The following PPFIBP1 variants were observed in gnomAD, a reference collection of about 807,000 sequenced individuals.
The protein encoded by PPFIBP1 is PPFIB scaffold protein 1.
A neutral mutation model predicts 137.8 loss-of-function variants in PPFIBP1; 112 were observed. The observed-to-expected ratio is 0.81, with a 90% confidence interval of 0.70 to 0.95. PPFIBP1 has a LOEUF of 0.95. PPFIBP1 is among the 40% of genes least tolerant of loss of function. PPFIBP1 has a pLI of 0.00. For synonymous variants in PPFIBP1, 378 were observed against 417.3 expected, an observed-to-expected ratio of 0.91 and a Z score of 1.15; for missense variants, 1,083 against 1,196.6, an observed-to-expected ratio of 0.91 and a Z score of 1.40.
At chr12:27,674,936 T>C (rs545731151) in intron 17 of PPFIBP1, among the ~76,000 whole-genome samples, 1 of 151,598 alleles carries the variant, frequency 6.6e-6, no homozygotes, top group Non-Finnish European at 1.5e-5. Context: ...CTTCAGCCTT[T>C]CAAGTAGCTG....
rs2058492028 is a variant in PPFIBP1, at chr12:27,646,395, T to G, written c.357+247T>G. On this transcript the variant is annotated intron_variant, in intron 5 of 29. Coordinates refer to ENST00000228425, the MANE Select transcript of PPFIBP1 (RefSeq NM_003622.4). ...ACCAGTCTGAATACGGGCACAATGT[T>G]GTCTGATCTGTTCTTTTTTTTTTTT... 4 of 494,758 alleles carry G rather than the reference T, an allele frequency of 8.1e-6. No homozygotes were observed. In the Middle Eastern group the frequency reaches 1.5e-3, roughly 190 times the overall value. 30.6% of individuals were successfully genotyped at this position (494,758 alleles called of 1,614,324 possible).
chr12:27,590,309 G>A (rs2137252163), intron 2 of PPFIBP1, among the ~76,000 whole-genome samples: 1 of 152,160 alleles, frequency 6.6e-6, no homozygotes, highest in Middle Eastern at 3.4e-3. Flanking sequence ...CCGAGTAGCT[G>A]GGATTACAGG....
rs1200968812 is a variant in PPFIBP1, at chr12:27,650,199, C to CT, written c.603+59dup. 29 of 1,448,026 alleles carry CT rather than the reference C, an allele frequency of 2.0e-5. No individual in the cohort carries two copies. The African/African-American group carries it at 4.1e-4, about 21-fold the overall frequency. The allele number at this position is 1,448,026 out of a possible 1,614,324, so 89.7% of individuals were successfully genotyped here. ...TCTCTCTGTCACTCTGTCTTTGTCT[C>CT]TGACACACATACATTCCTAGGGCAA... On this transcript the variant is annotated intron_variant, in intron 7 of 29. Transcript: ENST00000228425.
intron 2 of PPFIBP1, among the ~76,000 whole-genome samples, chr12:27,630,610 A>T (rs2057193755): frequency 6.6e-6 from 1 of 152,194 alleles, no homozygotes; most frequent in African/African-American, 2.4e-5. Context: ...ATGTAATTTT[A>T]AAAATGTTAT....
intron 2 of PPFIBP1, among the ~76,000 whole-genome samples, chr12:27,585,115 G>A (rs1166331780): frequency 6.6e-6 from 1 of 152,146 alleles, no homozygotes; most frequent in East Asian, 1.9e-4. Context: ...GCTCATTTTC[G>A]TGCACAGCCC....
chr12:27,609,436 A>G (rs936166223), intron 2 of PPFIBP1, among the ~76,000 whole-genome samples: 8 of 152,238 alleles, frequency 5.3e-5, no homozygotes, highest in Admixed American at 4.6e-4. Context: ...AGAAAGTCCC[A>G]TCAGTCCCAT....
At chr12:27,572,683 G>A (rs183664338) in intron 1 of PPFIBP1, among the ~76,000 whole-genome samples, 1 of 152,132 alleles carries the variant, frequency 6.6e-6, no homozygotes, top group African/African-American at 2.4e-5. Flanking sequence ...TGAGGACTTT[G>A]GGACATGGGA....
chr12:27,681,832 T>C, intron 22 of PPFIBP1, 136 bp downstream of exon 22: 1 of 924,532 alleles, frequency 1.1e-6, no homozygotes, highest in South Asian at 2.0e-5. Context: ...GGGTTTTCAA[T>C]TGCTTCATGC....
At chr12:27,629,297 C>CA (rs1453774801) in intron 2 of PPFIBP1, among the ~76,000 whole-genome samples, 32 of 152,270 alleles carry the variant, frequency 2.1e-4, no homozygotes, top group Admixed American at 1.5e-3. Context: ...TTATGCCTGA[C>CA]AAGCTTTAAA....
intron 1 of PPFIBP1, among the ~76,000 whole-genome samples, chr12:27,550,158 C>T (rs952862090): frequency 1.3e-5 from 2 of 152,212 alleles, no homozygotes; most frequent in East Asian, 3.8e-4. Context: ...ACTTTGAACC[C>T]GAGCTCGGCT....
chr12:27,646,109 G>T lies in PPFIBP1; in HGVS notation c.318G>T (p.Leu106=), dbSNP rs768891709. The T allele has an allele frequency of 1.2e-6, 2 of 1,612,210 alleles. No individual in the cohort carries two copies. Residue 106 remains leucine, a synonymous_variant, in exon 5 of 30, where the codon CTG becomes CTT. Transcript: ENST00000228425. ...PGNGDVYQER[L]ARLENDKESL... ...ACGGAGATGTGTATCAAGAAAGGCT[G>T]GCACGTTTAGAAAATGATAAAGAAT... is the stretch of plus-strand genomic sequence containing the variant.
intron 24 of PPFIBP1, among the ~76,000 whole-genome samples, chr12:27,684,293 G>C (rs957057767): frequency 6.6e-6 from 1 of 151,156 alleles, no homozygotes; most frequent in African/African-American, 2.4e-5. Context: ...GTTTTTGGTG[G>C]AGATGGAGTT....
At chr12:27,574,322 G>A (rs1250710951) in intron 1 of PPFIBP1, among the ~76,000 whole-genome samples, 2 of 152,114 alleles carry the variant, frequency 1.3e-5, no homozygotes, top group Non-Finnish European at 2.9e-5. Flanking sequence ...TGGAAACTTG[G>A]TGGGGGGTAA....
intron 1 of PPFIBP1, among the ~76,000 whole-genome samples, chr12:27,563,268 C>T: frequency 1.2e-5 from 1 of 80,618 alleles, no homozygotes; most frequent in Non-Finnish European, 2.2e-5. Flanking sequence ...GGTGAAAACC[C>T]ATCTCTACTA....
At chr12:27,669,010 C>T (rs1052970308) in intron 13 of PPFIBP1, among the ~76,000 whole-genome samples, 2 of 152,070 alleles carry the variant, frequency 1.3e-5, no homozygotes, top group African/African-American at 2.4e-5. Context: ...CTAGAAAGAC[C>T]GGGAATGGGA....
At chr12:27,656,778 C>T (rs755433729) in intron 9 of PPFIBP1, 48 bp downstream of exon 9, 97 of 1,255,144 alleles carry the variant, frequency 7.7e-5, no homozygotes, top group Non-Finnish European at 1.1e-4. Flanking sequence ...TTAAAGTCCT[C>T]CAAAATCTGT....
At chr12:27,648,081 C>CT (rs1349328005) in intron 6 of PPFIBP1, 8 of 471,006 alleles carry the variant, frequency 1.7e-5, no homozygotes, top group South Asian at 1.2e-4. Context: ...TTTTAATTTT[C>CT]TTTTTTTGCA....
intron 4 of PPFIBP1, chr12:27,637,050 C>T (rs557612193): frequency 2.0e-5 from 3 of 152,212 alleles, no homozygotes; most frequent in African/African-American, 7.2e-5. Context: ...ACCACCCTAA[C>T]TAAAATTATA....
rs1287410761 is a variant in PPFIBP1, at chr12:27,694,653, T to G, written c.*1771T>G. 2.0e-5 allele frequency: 3 copies of G among 152,244 alleles called. No individual in the cohort carries two copies. Among genetic ancestry groups the G allele is most frequent in the Non-Finnish European group, 4.4e-5 (3 of 68,048 alleles). 9.4% of individuals were successfully genotyped at this position (152,244 alleles called of 1,614,324 possible). A position where few individuals can be genotyped will look rare whatever the true frequency, so the allele number is the denominator to read the frequency against. On this transcript the variant is annotated 3_prime_UTR_variant, in exon 30 of 30. Coordinates refer to ENST00000228425, the MANE Select transcript of PPFIBP1 (RefSeq NM_003622.4). The stretch of plus-strand genomic sequence containing the variant: ...TTTCTGTAGCACTGGGCCCAAATAT[T>G]CTTTGTAAAGAAAATCGCTGCAGCA...
Sources: allele counts gnomAD v4.1 joint callset (sites outside exome capture counted in the v4.1 genomes callset), GRCh38; gene constraint gnomAD v4.1.1; transcripts MANE v1.5; gene names NCBI Gene and HGNC (gene_info 2026-07-23, HGNC 2026-07-21).